Variants in TOPBP1 observed in about 807,000 individuals in gnomAD.
TOPBP1 encodes the protein DNA topoisomerase 2-binding protein 1.
In TOPBP1, 28 loss-of-function variants were observed where a neutral mutation model predicts 167.7. The ratio of observed to expected loss-of-function variants is 0.17; its 90% CI spans 0.12 to 0.23. TOPBP1 has a LOEUF of 0.23. Ranked by LOEUF, TOPBP1 falls within the 10% of genes least tolerant of loss-of-function variation. The pLI, the probability that TOPBP1 is intolerant of heterozygous loss-of-function variation, is 1.00. For synonymous variants in TOPBP1, 598 were observed against 611.4 expected, an observed-to-expected ratio of 0.98 and a Z score of 0.32; for missense variants, 1,554 against 1,809.6, an observed-to-expected ratio of 0.86 and a Z score of 2.56.
chr3:133,630,630 C>T (rs991428187), intron 14 of TOPBP1, among the ~76,000 whole-genome samples: 1 of 151,932 alleles, frequency 6.6e-6, no homozygotes, highest in Non-Finnish European at 1.5e-5. Flanking sequence ...CGGGGTCTTG[C>T]TCTCTTGCCC....
chr3:133,657,511 T>C (rs1402971373), intron 4 of TOPBP1, among the ~76,000 whole-genome samples: 1 of 151,970 alleles, frequency 6.6e-6, no homozygotes, highest in East Asian at 1.9e-4. Context: ...TTTTAAAGAC[T>C]GTCCACCTAT....
intron 27 of TOPBP1, among the ~76,000 whole-genome samples, chr3:133,607,398 T>G (rs1934528002): frequency 6.6e-6 from 1 of 152,164 alleles, no homozygotes. Context: ...GGCTTTTTTA[T>G]GGACATATTT....
At chr3:133,659,877 G>A (rs1376700061) in intron 2 of TOPBP1, among the ~76,000 whole-genome samples, 1 of 151,880 alleles carries the variant, frequency 6.6e-6, no homozygotes, top group African/African-American at 2.4e-5. Flanking sequence ...CAATTTTGAG[G>A]TCCTTATGTT....
chr3:133,604,255 C>A (rs1036822636), intron 27 of TOPBP1, among the ~76,000 whole-genome samples: 1 of 151,706 alleles, frequency 6.6e-6, no homozygotes. Flanking sequence ...CTGCCTCAGC[C>A]TCCCGAGTGG....
chr3:133,622,573 A>G (rs1470421345), intron 19 of TOPBP1, among the ~76,000 whole-genome samples: 1 of 152,114 alleles, frequency 6.6e-6, no homozygotes, highest in Non-Finnish European at 1.5e-5. Flanking sequence ...AGAAGGATAC[A>G]TAAGGAACTA....
At position 133,618,196 on chromosome 3, in the gene TOPBP1, G is replaced by C. The variant is rs199541308; in HGVS notation, c.3592+17C>G. 505 of 1,591,466 alleles carry C rather than the reference G, an allele frequency of 3.2e-4. No individual in the cohort carries two copies. The highest frequency in any genetic ancestry group is 4.5e-4 in the Admixed American group (27 of 59,832). ...TGTACTTAATACAAACAAATGCAAA[G>C]ATTTCTTTCTTGTTACCCTGTTTAG... is the stretch of plus-strand genomic sequence containing the variant. On this transcript the variant is annotated intron_variant, in intron 21 of 27. Transcript: ENST00000260810.
chr3:133,658,113 A>T (rs62282431), intron 3 of TOPBP1, among the ~76,000 whole-genome samples, 172 bp from the exon 4 acceptor site: 21,869 of 152,266 alleles, frequency 0.14, 1,889 homozygotes, highest in Non-Finnish European at 0.2. Context: ...TCTCAGAGAT[A>T]CTATACATTA....
Position 133,601,189 on chromosome 3 carries a change from C to T in TOPBP1, c.*61G>A. On this transcript the variant is annotated 3_prime_UTR_variant, in exon 28 of 28. Transcript: ENST00000260810. ...AATTACTACCCAAATCTATCACAGTCACATTCAGGCTTTCAATTTTTAAAA... is the reference window on the plus strand; with the variant it reads ...AATTACTACCCAAATCTATCACAGTTACATTCAGGCTTTCAATTTTTAAAA... 1 of 1,430,902 alleles carries T rather than the reference C, an allele frequency of 7.0e-7. No individual in the cohort carries two copies. The highest frequency in any genetic ancestry group is 1.5e-5 in the African/African-American group (1 of 68,246). The allele number at this position is 1,430,902 out of a possible 1,614,324, so 88.6% of individuals were successfully genotyped here.
At chr3:133,651,451 A>T (rs1022859738) in intron 8 of TOPBP1, among the ~76,000 whole-genome samples, 3 of 152,042 alleles carry the variant, frequency 2.0e-5, no homozygotes, top group Non-Finnish European at 2.9e-5. Context: ...GGCCTCCCAA[A>T]AGTGCTGGGA....
At chr3:133,633,784 T>G (rs1406180973) in intron 14 of TOPBP1, among the ~76,000 whole-genome samples, 2 of 152,124 alleles carry the variant, frequency 1.3e-5, no homozygotes, top group Non-Finnish European at 1.5e-5. Flanking sequence ...CAGCGAGACC[T>G]TGTCTTAAAC....
In TOPBP1 at chr3:133,652,531, G is replaced by C; in HGVS notation, c.1021C>G (p.Leu341Val). The change falls in exon 8 of 28, where the codon CTT becomes GTT. Residue 341 changes from leucine (L) to valine (V), a missense_variant. By Grantham distance (32) the Leu-to-Val change is conservative. This residue lies in a region of TOPBP1 where 1,197 missense variants were observed against 1,351.5 expected (regional missense o/e 0.89). Transcript: ENST00000260810. The stretch of plus-strand genomic sequence containing the variant: ...ACATCCAGATTTTCTAGATTTTCAA[G>C]TGTAGGCTCCAGTTTGCTGTTAAGT... ...NSLNSKLEPT[L>V]ENLENLDVSA... is the part of the protein sequence containing the mutation. 2 of 1,612,010 alleles carry C rather than the reference G, an allele frequency of 1.2e-6. No homozygotes were observed. The highest frequency in any genetic ancestry group is 1.7e-6 in the Non-Finnish European group (2 of 1,179,828).
chr3:133,655,743 C>T (rs1936459447), intron 5 of TOPBP1, among the ~76,000 whole-genome samples: 1 of 152,136 alleles, frequency 6.6e-6, no homozygotes, highest in African/African-American at 2.4e-5. Flanking sequence ...AACTCTAGCC[C>T]TTGCTGGTCA....
intron 24 of TOPBP1, 132 bp downstream of exon 24, chr3:133,612,257 C>T: frequency 1.0e-6 from 1 of 960,122 alleles, no homozygotes; most frequent in Non-Finnish European, 1.5e-6. Flanking sequence ...CCAGGCATGT[C>T]TCGAACTCCT....
At chr3:133,653,627 A>ATCTTT (rs1305383916) in intron 6 of TOPBP1, 103 bp from the exon 7 acceptor site, 1 of 1,073,550 alleles carries the variant, frequency 9.3e-7, no homozygotes, top group African/African-American at 1.7e-5. Flanking sequence ...TAACAGGTTA[A>ATCTTT]TATTTTTTTT....
chr3:133,626,813 C>T (rs1935285943), intron 16 of TOPBP1, among the ~76,000 whole-genome samples: 1 of 152,150 alleles, frequency 6.6e-6, no homozygotes, highest in Non-Finnish European at 1.5e-5. Context: ...ATACTGTCTG[C>T]TACTTTTTTA....
At position 133,611,528 on chromosome 3, in the gene TOPBP1, A is replaced by G. The variant is rs141845196; in HGVS notation, c.4036-387T>C. Reference sequence around the variant, plus strand: ...ACTTGATTATCTGTCTATGTAGTAAAGATGAAAGCTTACAATGAGATAATC... The same window carrying G: ...ACTTGATTATCTGTCTATGTAGTAAGGATGAAAGCTTACAATGAGATAATC... On this transcript the variant is annotated intron_variant, in intron 24 of 27. Coordinates refer to ENST00000260810, the MANE Select transcript of TOPBP1 (RefSeq NM_007027.4). 7.2e-5 allele frequency among the ~76,000 whole-genome samples: 11 copies of G among 152,372 alleles called. No homozygotes were observed. In the East Asian group the frequency reaches 1.3e-3, roughly 19 times the overall value.
At chr3:133,658,838 CA>C (rs531875389) in intron 3 of TOPBP1, among the ~76,000 whole-genome samples, 177 bp downstream of exon 3, 1 of 151,864 alleles carries the variant, frequency 6.6e-6, no homozygotes, top group South Asian at 2.1e-4. Flanking sequence ...AACAAACAAA[CA>C]AAAAAAGCCT....
intron 12 of TOPBP1, among the ~76,000 whole-genome samples, chr3:133,641,682 C>T (rs1935893623): frequency 6.6e-6 from 1 of 152,182 alleles, no homozygotes; most frequent in Admixed American, 6.6e-5. Context: ...ACTGTTAGGG[C>T]TAGTCCCAAT....
Position 133,620,197 on chromosome 3 carries a change from C to T in TOPBP1, c.3329G>A (p.Arg1110His), listed in dbSNP as rs755276350. ...NSASSTPDSTRSARSGRSRVL... is the reference protein window; with the variant it reads ...NSASSTPDSTHSARSGRSRVL... The stretch of plus-strand genomic sequence containing the variant: ...TCTACTTCGTCCACTGCGAGCAGAG[C>T]GAGTGCTGTCAGGGGTTGAAGATGC... Residue 1110 changes from arginine to histidine, a missense_variant, in exon 20 of 28, where the codon CGC (arginine) becomes CAC (histidine). Around this residue, in one of 3 missense-constraint regions of TOPBP1, gnomAD observed 1,197 missense variants for 1,351.5 expected, o/e 0.89. Coordinates refer to ENST00000260810, the MANE Select transcript of TOPBP1 (RefSeq NM_007027.4). 10 of 1,613,744 alleles carry T rather than the reference C, an allele frequency of 6.2e-6. No individual in the cohort carries two copies. Among genetic ancestry groups the T allele is most frequent in the African/African-American group, 1.3e-5 (1 of 74,924 alleles).
Sources: gnomAD v4.1 joint callset for allele counts (sites outside exome capture counted in the v4.1 genomes callset) on GRCh38, gnomAD v4.1.1 for gene constraint, gnomAD v4.1.1 regional missense constraint, MANE v1.5 for transcripts, NCBI Gene and HGNC (gene_info 2026-07-23, HGNC 2026-07-21) for gene names.